The following RSPO2 variants were observed in gnomAD, a reference collection of about 807,000 sequenced individuals.
RSPO2 encodes the protein R-spondin-2.
A neutral mutation model predicts 30.9 loss-of-function variants in RSPO2; 14 were observed. The observed-to-expected ratio is 0.45, with a 90% CI of 0.30 to 0.71. The LOEUF (loss-of-function observed/expected upper bound fraction) is 0.71. RSPO2 is among the 30% of genes least tolerant of loss of function. RSPO2 has a pLI of 0.08. For missense variants in RSPO2, 264 were observed against 301.9 expected (o/e 0.87, Z 0.93); for synonymous variants, 107 against 96.4 (o/e 1.11, Z -0.64).
chr8:107,953,124 G>T (rs925944316), intron 5 of RSPO2, among the ~76,000 whole-genome samples: 1 of 152,156 alleles, frequency 6.6e-6, no homozygotes, highest in African/African-American at 2.4e-5. Flanking sequence ...TTAAGAGTCC[G>T]ATAGTTGAAA....
chr8:107,953,204 G>T (rs1813311422), intron 5 of RSPO2, among the ~76,000 whole-genome samples: 1 of 152,210 alleles, frequency 6.6e-6, no homozygotes, highest in Non-Finnish European at 1.5e-5. Context: ...AGGTTACCCA[G>T]GGCTTCTGTG....
At chr8:108,082,191 CA>C (rs113226292) in intron 2 of RSPO2, among the ~76,000 whole-genome samples, 91 of 146,428 alleles carry the variant, frequency 6.2e-4, no homozygotes, top group East Asian at 4.0e-3. Context: ...ACAACGACGA[CA>C]AAAAAAAAAT....
intron 2 of RSPO2, among the ~76,000 whole-genome samples, chr8:108,015,171 A>G (rs1313215638): frequency 1.3e-5 from 2 of 152,218 alleles, no homozygotes; most frequent in African/African-American, 4.8e-5. Context: ...TTTTAGACAT[A>G]AAGTTATATC....
chr8:108,018,174 C>G (rs1243754766), intron 2 of RSPO2, among the ~76,000 whole-genome samples: 1 of 152,122 alleles, frequency 6.6e-6, no homozygotes, highest in Non-Finnish European at 1.5e-5. Context: ...AAACAAGAAT[C>G]AGAGTTAAGA....
At chr8:107,967,979 T>C (rs952671975) in intron 3 of RSPO2, among the ~76,000 whole-genome samples, 11 of 152,122 alleles carry the variant, frequency 7.2e-5, no homozygotes, top group African/African-American at 2.7e-4. Context: ...ATTCAGAGGC[T>C]TAATCAGTGC....
intron 2 of RSPO2, among the ~76,000 whole-genome samples, chr8:108,013,445 A>G (rs1810770505): frequency 6.6e-6 from 1 of 152,208 alleles, no homozygotes; most frequent in African/African-American, 2.4e-5. Context: ...AGCCTGCTGC[A>G]TACTCTTTCA....
chr8:108,054,226 AC>A (rs1812166818), intron 2 of RSPO2, among the ~76,000 whole-genome samples: 1 of 152,124 alleles, frequency 6.6e-6, no homozygotes, highest in Admixed American at 6.6e-5. Context: ...AGAGGGACAA[AC>A]CTCAATGTCT....
chr8:107,904,465 G>T (rs1811577176), intron 5 of RSPO2, among the ~76,000 whole-genome samples: 1 of 152,024 alleles, frequency 6.6e-6, no homozygotes, highest in Non-Finnish European at 1.5e-5. Context: ...TCTTGAGAAT[G>T]CAGTGGCCTT....
At chr8:107,948,978 T>A (rs1486048180) in intron 5 of RSPO2, among the ~76,000 whole-genome samples, 3 of 151,724 alleles carry the variant, frequency 2.0e-5, no homozygotes, top group South Asian at 2.1e-4. Context: ...TTTTTTTTTT[T>A]TGGTTCAAAT....
chr8:107,987,847 A>G (rs1814699150), intron 3 of RSPO2, among the ~76,000 whole-genome samples: 1 of 152,158 alleles, frequency 6.6e-6, no homozygotes, highest in Non-Finnish European at 1.5e-5. Context: ...CTGAATAGAC[A>G]CATACACAGT....
chr8:107,971,981 A>G (rs994294988), intron 3 of RSPO2, among the ~76,000 whole-genome samples: 1 of 151,988 alleles, frequency 6.6e-6, no homozygotes, highest in Non-Finnish European at 1.5e-5. Context: ...TGGTTTTACC[A>G]CTCTGTCCAT....
chr8:107,983,192 A>C, intron 3 of RSPO2: 3 of 1,562,346 alleles, frequency 1.9e-6, no homozygotes, highest in Non-Finnish European at 2.6e-6. Flanking sequence ...GCTGTAGGCA[A>C]ATACGAAGAG....
At chr8:108,056,520 G>A (rs1428542429) in intron 2 of RSPO2, among the ~76,000 whole-genome samples, 2 of 150,878 alleles carry the variant, frequency 1.3e-5, no homozygotes, top group African/African-American at 4.9e-5. Flanking sequence ...CTACTTGGGA[G>A]GCTGAGGTGA....
At chr8:107,924,940 G>T (rs1812309309) in intron 5 of RSPO2, among the ~76,000 whole-genome samples, 1 of 151,912 alleles carries the variant, frequency 6.6e-6, no homozygotes, top group South Asian at 2.1e-4. Flanking sequence ...TACAGAGGTA[G>T]GGAAGTATTC....
intron 5 of RSPO2, among the ~76,000 whole-genome samples, chr8:107,916,739 TTTAA>T (rs1231483696): frequency 1.3e-5 from 2 of 152,322 alleles, no homozygotes; most frequent in Non-Finnish European, 1.5e-5. Context: ...AAGGGAATTA[TTTAA>T]TTGTTTTTCC....
intron 5 of RSPO2, among the ~76,000 whole-genome samples, chr8:107,930,113 C>T (rs1812507211): frequency 6.6e-6 from 1 of 152,116 alleles, no homozygotes; most frequent in African/African-American, 2.4e-5. Context: ...CGCCCATGTA[C>T]AACATCAAGC....
intron 2 of RSPO2, among the ~76,000 whole-genome samples, chr8:108,022,082 C>T (rs1216311909): frequency 3.9e-5 from 6 of 152,136 alleles, no homozygotes; most frequent in African/African-American, 2.4e-5. Context: ...ACACAGCTGG[C>T]AGTACTGACA....
chr8:107,959,125 CAA>C (rs1356716578), intron 4 of RSPO2, among the ~76,000 whole-genome samples: 1 of 152,216 alleles, frequency 6.6e-6, no homozygotes, highest in East Asian at 1.9e-4. Flanking sequence ...ACCAAACCCA[CAA>C]ATGTGTTTTA....
rs1209882807 is a variant in RSPO2, at chr8:108,066,867, C to G, written c.94+15678G>C. Among the ~76,000 whole-genome samples the G allele has an allele frequency of 3.3e-5, 5 of 152,154 alleles. No individual in the cohort carries two copies. The South Asian group carries it at 1.0e-3, about 31-fold the overall frequency. ...GTACCACATGAACCCACTGGTTAATCTCAGCATGACTAAGAATGGCACAAC... is the reference window on the plus strand; with the variant it reads ...GTACCACATGAACCCACTGGTTAATGTCAGCATGACTAAGAATGGCACAAC... On this transcript the variant is annotated intron_variant, in intron 2 of 5. Coordinates refer to ENST00000276659, the MANE Select transcript of RSPO2 (RefSeq NM_178565.5).
Sources: allele counts gnomAD v4.1 joint callset (sites outside exome capture counted in the v4.1 genomes callset), GRCh38; gene constraint gnomAD v4.1.1; transcripts MANE v1.5; gene names NCBI Gene and HGNC (gene_info 2026-07-23, HGNC 2026-07-21).